The following ABCG1 variants were observed in gnomAD, a reference collection of about 807,000 sequenced individuals.
The protein encoded by ABCG1 is ATP-binding cassette sub-family G member 1.
Under a neutral mutation model 69.2 loss-of-function variants are expected in ABCG1, and 29 were observed. That is an observed-to-expected ratio of 0.42 (90% CI 0.31 to 0.57). ABCG1 has a LOEUF of 0.57. Among genes scored for constraint, ABCG1 ranks in the 20% least tolerant of loss-of-function variants. The pLI, the probability that ABCG1 is intolerant of heterozygous loss-of-function variation, is 0.15. For missense variants in ABCG1, 718 were observed against 898.1 expected, an observed-to-expected ratio of 0.80 and a Z score of 2.56; for synonymous variants, 370 against 374.8, an observed-to-expected ratio of 0.99 and a Z score of 0.15.
intron 10 of ABCG1, among the ~76,000 whole-genome samples, chr21:42,289,697 T>C (rs1466656124): frequency 6.6e-6 from 1 of 152,220 alleles, no homozygotes; most frequent in African/African-American, 2.4e-5. Context: ...TATAGCCACT[T>C]TTCCCTCACC....
At position 42,296,625 on chromosome 21, in the gene ABCG1, T is replaced by TTTG. The variant is rs1296959884; in HGVS notation, c.*235_*236insGTT. Reference sequence around the variant, plus strand: ...TAGGAAGATGTAGGCAGATTGGTGGTTTTTTTTTTTTTAACATACAGAATT... The same window carrying TTTG: ...TAGGAAGATGTAGGCAGATTGGTGGTTTGTTTTTTTTTTTTAACATACAGAATT... On this transcript the variant is annotated 3_prime_UTR_variant, in exon 15 of 15. Transcript: ENST00000398449. The surrounding 1 kb of genome is among the most constrained non-coding windows in gnomAD (Gnocchi z 5.4). The TTTG allele has an allele frequency of 1.5e-5, 3 of 202,388 alleles. No homozygotes were observed. The highest frequency in any genetic ancestry group is 2.6e-5 in the Non-Finnish European group (3 of 113,546). 12.5% of individuals were successfully genotyped at this position (202,388 alleles called of 1,614,324 possible). A position where few individuals can be genotyped will look rare whatever the true frequency, so the allele number is the denominator to read the frequency against.
intron 1 of ABCG1, among the ~76,000 whole-genome samples, chr21:42,220,356 G>A (rs991105712): frequency 3.3e-5 from 5 of 151,820 alleles, no homozygotes; most frequent in Admixed American, 3.3e-4. Context: ...TTAGCATCCT[G>A]TATTTGAAGT....
intron 1 of ABCG1, among the ~76,000 whole-genome samples, chr21:42,222,310 C>T (rs1569206207): frequency 6.6e-6 from 1 of 152,208 alleles, no homozygotes; most frequent in African/African-American, 2.4e-5. Flanking sequence ...GCCACTGCCT[C>T]GCATCACGCA....
At chr21:42,233,480 C>G (rs1328346747) in intron 2 of ABCG1, among the ~76,000 whole-genome samples, 1 of 152,186 alleles carries the variant, frequency 6.6e-6, no homozygotes, top group Non-Finnish European at 1.5e-5. Context: ...AACCCTCATT[C>G]TTAGAAAATG....
chr21:42,202,510 G>A (rs949566794), intron 2 of ABCG1, among the ~76,000 whole-genome samples: 14 of 152,054 alleles, frequency 9.2e-5, no homozygotes, highest in African/African-American at 3.1e-4. Context: ...GTGCAACGCT[G>A]TTGAATGCAC....
rs766001147 is a variant in ABCG1 at position 42,220,122 on chromosome 21, T to C, written c.42+818T>C. 3.7e-6 allele frequency: 5 copies of C among 1,365,030 alleles called. No homozygotes were observed. The Admixed American group carries it at 6.2e-5, about 17-fold the overall frequency. 84.6% of individuals were successfully genotyped at this position (1,365,030 alleles called of 1,614,324 possible). A position where few individuals can be genotyped will look rare whatever the true frequency, so the allele number is the denominator to read the frequency against. On this transcript the variant is annotated intron_variant, in intron 1 of 14. Transcript: ENST00000398449. Reference sequence around the variant, plus strand: ...GCATTAGGAACAAACAACAAACCAATCATCAGGCCCCCAGCCACCCACCTC... The same window carrying C: ...GCATTAGGAACAAACAACAAACCAACCATCAGGCCCCCAGCCACCCACCTC...
At chr21:42,245,780 C>T (rs532061553) in intron 2 of ABCG1, among the ~76,000 whole-genome samples, 11 of 121,886 alleles carry the variant, frequency 9.0e-5, no homozygotes, top group South Asian at 7.6e-4. Context: ...ATCATCTGCA[C>T]ATCTAAGCAT....
At chr21:42,211,898 A>T (rs1380937758), upstream of ABCG1, among the ~76,000 whole-genome samples, 1 of 152,120 alleles carries the variant, frequency 6.6e-6, no homozygotes, top group Non-Finnish European at 1.5e-5. Context: ...TAAAAACAAA[A>T]ATCAAAAAAC....
intron 3 of ABCG1, among the ~76,000 whole-genome samples, chr21:42,271,867 A>G (rs1395565485): frequency 6.6e-6 from 1 of 152,192 alleles, no homozygotes; most frequent in Non-Finnish European, 1.5e-5. Flanking sequence ...CTGGGTGACA[A>G]GAGCGAGACT....
chr21:42,251,049 T>G (rs2068212439), intron 2 of ABCG1, among the ~76,000 whole-genome samples: 1 of 47,632 alleles, frequency 2.1e-5, no homozygotes, highest in Non-Finnish European at 3.6e-5. Flanking sequence ...TGCCTGACCA[T>G]ACCCTGTGAG....
chr21:42,293,116 A>ATG (rs2069111879), intron 13 of ABCG1, among the ~76,000 whole-genome samples: 1 of 139,064 alleles, frequency 7.2e-6, no homozygotes, highest in African/African-American at 2.7e-5. Context: ...CACACCACAC[A>ATG]CTACACACAC....
At chr21:42,278,567 GGGA>G (rs1013303104) in intron 5 of ABCG1, among the ~76,000 whole-genome samples, 4 of 152,346 alleles carry the variant, frequency 2.6e-5, no homozygotes, top group Middle Eastern at 3.4e-3. Flanking sequence ...TGAGGACACA[GGGA>G]GGAGGCGGCA....
At chr21:42,248,362 AG>A (rs1283485261) in intron 2 of ABCG1, among the ~76,000 whole-genome samples, 1 of 152,150 alleles carries the variant, frequency 6.6e-6, no homozygotes, top group Non-Finnish European at 1.5e-5. Flanking sequence ...AGCGAAGTGA[AG>A]TGCAGTTCTG....
Position 42,219,384 on chromosome 21 carries a change from C to T in ABCG1, c.42+80C>T, listed in dbSNP as rs2067684422. On this transcript the variant is annotated intron_variant, in intron 1 of 14. Coordinates refer to ENST00000398449, the MANE Select transcript of ABCG1 (RefSeq NM_016818.3). This position sits in a 1 kb window ranked among gnomAD's most constrained non-coding sequence, Gnocchi z 5.3. ...GGAAACACACAAAGACTCGCAAGCT[C>T]GACCTGACACCCCTCCCAGGAGCGC... 7.8e-6 allele frequency: 12 copies of T among 1,538,176 alleles called. No individual in the cohort carries two copies. The highest frequency in any genetic ancestry group is 1.9e-5 in the Admixed American group (1 of 52,376).
chr21:42,295,596 C>CT (rs1475048126), intron 14 of ABCG1, among the ~76,000 whole-genome samples: 3 of 152,174 alleles, frequency 2.0e-5, no homozygotes, highest in Non-Finnish European at 4.4e-5. Flanking sequence ...GGAACAAGCT[C>CT]TTCTTCTCTA....
intron 1 of ABCG1, chr21:42,220,074 G>T (rs1695538101): frequency 1.3e-6 from 2 of 1,536,804 alleles, no homozygotes; most frequent in Non-Finnish European, 1.8e-6. Flanking sequence ...GGGTGGTCAG[G>T]AATCTCCCTT....
chr21:42,265,659 G>A (rs996715822), intron 2 of ABCG1, among the ~76,000 whole-genome samples: 2 of 152,180 alleles, frequency 1.3e-5, no homozygotes, highest in African/African-American at 4.8e-5. Context: ...GTGAGAGGAT[G>A]AGCCCTGGAA....
chr21:42,265,819 A>G (rs373812526), intron 2 of ABCG1, among the ~76,000 whole-genome samples: 1 of 152,124 alleles, frequency 6.6e-6, no homozygotes, highest in South Asian at 2.1e-4. Context: ...CTCCACCTCT[A>G]CAGTCAGTGG....
At chr21:42,207,094 G>A (rs537743070) in intron 2 of ABCG1, 4 of 152,180 alleles carry the variant, frequency 2.6e-5, no homozygotes, top group Non-Finnish European at 4.4e-5. Context: ...GGTTTATTCT[G>A]TGTGGAGTTT....
Sources: allele counts gnomAD v4.1 joint callset (sites outside exome capture counted in the v4.1 genomes callset), GRCh38; gene constraint gnomAD v4.1.1; non-coding constraint Gnocchi (gnomAD v3.1); transcripts MANE v1.5; gene names NCBI Gene and HGNC (gene_info 2026-07-23, HGNC 2026-07-21).